Variants in PEBP1 observed in about 807,000 individuals in gnomAD.
The protein encoded by PEBP1 is phosphatidylethanolamine binding protein 1.
PEBP1 carries 17 observed loss-of-function variants against 22.7 expected under a neutral mutation model. The observed-to-expected ratio is 0.75, with a 90% CI of 0.51 to 1.12. PEBP1 has a LOEUF of 1.12. Ranked by LOEUF, PEBP1 falls within the 50% of genes most tolerant of loss-of-function variation. The pLI is 0.00. For synonymous variants in PEBP1, 106 were observed against 104.3 expected (o/e 1.02, Z -0.10); for missense variants, 205 against 243.5 (o/e 0.84, Z 1.05).
intron 3 of PEBP1, among the ~76,000 whole-genome samples, chr12:118,143,621 C>T (rs910605787): frequency 4.6e-5 from 7 of 151,948 alleles, no homozygotes; most frequent in South Asian, 2.1e-4. Flanking sequence ...TGTTTCTGGC[C>T]GGGTGCAGTG....
intron 1 of PEBP1, among the ~76,000 whole-genome samples, chr12:118,137,765 G>T (rs993187394): frequency 3.9e-5 from 6 of 152,052 alleles, no homozygotes; most frequent in African/African-American, 1.4e-4. Context: ...TTGGCCGCCT[G>T]CAGCCTCTGC....
intron 2 of PEBP1, among the ~76,000 whole-genome samples, 183 bp downstream of exon 2, chr12:118,138,331 C>T (rs1479981691): frequency 1.3e-5 from 2 of 152,136 alleles, no homozygotes; most frequent in Non-Finnish European, 2.9e-5. Flanking sequence ...CAGCCGAGAG[C>T]CATATCCACC....
chr12:118,139,246 A>G, intron 2 of PEBP1: 1 of 423,252 alleles, frequency 2.4e-6, no homozygotes, highest in Non-Finnish European at 4.4e-6. Flanking sequence ...CAGGAGGAGG[A>G]GCTTGCAGTG....
rs2034053548 is a variant in PEBP1 at position 118,136,132 on chromosome 12, G to T, written c.-78G>T. ...CTGCGTCTTCCCGAGCCAGTGTGCT[G>T]AGCTCTCCGCGTCGCCTCTGTCGCC... is the stretch of plus-strand genomic sequence containing the variant. On this transcript the variant is annotated 5_prime_UTR_variant, in exon 1 of 4. Coordinates refer to ENST00000261313, the MANE Select transcript of PEBP1 (RefSeq NM_002567.4). The surrounding 1 kb of genome is among the most constrained non-coding windows in gnomAD (Gnocchi z 5.6). The T allele has an allele frequency of 2.6e-6, 4 of 1,510,398 alleles. No individual in the cohort carries two copies. Among genetic ancestry groups the T allele is most frequent in the Non-Finnish European group, 2.7e-6 (3 of 1,127,268 alleles). The allele number at this position is 1,510,398 out of a possible 1,614,324, so 93.6% of individuals were successfully genotyped here.
At chr12:118,141,034 C>T (rs776412756) in intron 3 of PEBP1, among the ~76,000 whole-genome samples, 10 of 152,084 alleles carry the variant, frequency 6.6e-5, no homozygotes, top group Non-Finnish European at 1.0e-4. Context: ...CATCGCCCAA[C>T]GACATTCTCA....
chr12:118,136,762 G>A lies in PEBP1; in HGVS notation c.135+418G>A, dbSNP rs1158809103. On this transcript the variant is annotated intron_variant, in intron 1 of 3. Transcript: ENST00000261313. This position sits in a 1 kb window ranked among gnomAD's most constrained non-coding sequence, Gnocchi z 5.6. ...CAGCATTTTAGGCCTGGTTTTGGAGGGCTGAAGCCTCACCCGAGAGCCTGT... is the reference window on the plus strand; with the variant it reads ...CAGCATTTTAGGCCTGGTTTTGGAGAGCTGAAGCCTCACCCGAGAGCCTGT... Among the ~76,000 whole-genome samples, 2 of 152,308 alleles carry A rather than the reference G, an allele frequency of 1.3e-5. No homozygotes were observed. Among genetic ancestry groups the A allele is most frequent in the Non-Finnish European group, 1.5e-5 (1 of 68,030 alleles).
chr12:118,137,412 T>C (rs2034074084), intron 1 of PEBP1, among the ~76,000 whole-genome samples: 1 of 151,782 alleles, frequency 6.6e-6, no homozygotes, highest in African/African-American at 2.4e-5. Flanking sequence ...TGGCCAGGTG[T>C]GATGGTGTGA....
intron 2 of PEBP1, among the ~76,000 whole-genome samples, chr12:118,138,349 T>C (rs2034085293): frequency 6.6e-6 from 1 of 152,170 alleles, no homozygotes; most frequent in African/African-American, 2.4e-5. Flanking sequence ...ACCTGTGGCC[T>C]GTTTTTATAC....
chr12:118,144,748 A>C lies in PEBP1; in HGVS notation c.509A>C (p.Gln170Pro). Residue 170 changes from glutamine to proline, a missense_variant, in exon 4 of 4, where the codon CAG (glutamine) becomes CCG (proline). Physicochemically the swap from Gln to Pro is moderately conservative, Grantham distance 76. Coordinates refer to ENST00000261313, the MANE Select transcript of PEBP1 (RefSeq NM_002567.4). ...LRAPVAGTCY[Q>P]AEWDDYVPKL... ...GCCCCGGTGGCTGGCACGTGTTACC[A>C]GGCCGAGTGGGATGACTATGTGCCC... The C allele has an allele frequency of 6.2e-7, 1 of 1,614,122 alleles. No homozygotes were observed. Among genetic ancestry groups the C allele is most frequent in the Non-Finnish European group, 8.5e-7 (1 of 1,180,018 alleles).
chr12:118,139,674 T>G, intron 3 of PEBP1, 123 bp downstream of exon 3: 1 of 593,114 alleles, frequency 1.7e-6, no homozygotes. Flanking sequence ...AGCTTACCTC[T>G]AGGGCAGCTG....
intron 1 of PEBP1, among the ~76,000 whole-genome samples, chr12:118,137,062 T>C (rs970894031): frequency 6.6e-6 from 1 of 152,210 alleles, no homozygotes; most frequent in Non-Finnish European, 1.5e-5. Context: ...TGTTTAAATA[T>C]GTAGTGCCCA....
chr12:118,142,167 A>G (rs1029491590), intron 3 of PEBP1, among the ~76,000 whole-genome samples: 20 of 149,882 alleles, frequency 1.3e-4, no homozygotes, highest in African/African-American at 4.9e-4. Context: ...AGTGGCTGCC[A>G]TGCATTCTTT....
chr12:118,138,405 T>C (rs1362393065), intron 2 of PEBP1, among the ~76,000 whole-genome samples: 2 of 152,148 alleles, frequency 1.3e-5, no homozygotes, highest in Non-Finnish European at 2.9e-5. Context: ...TTTAGTTATT[T>C]ATTTTTTATT....
At chr12:118,142,930 C>G (rs933439744) in intron 3 of PEBP1, among the ~76,000 whole-genome samples, 4 of 147,882 alleles carry the variant, frequency 2.7e-5, no homozygotes, top group South Asian at 2.2e-4. Flanking sequence ...GGGCTCAGCT[C>G]ACCTCCTGGG....
At chr12:118,144,449 T>A (rs2034138729) in intron 3 of PEBP1, 137 bp from the exon 4 acceptor site, 1 of 782,066 alleles carries the variant, frequency 1.3e-6, no homozygotes, top group Non-Finnish European at 2.1e-6. Context: ...ACCAAATACC[T>A]GTCTGGACCC....
chr12:118,142,394 T>C (rs1265961198), intron 3 of PEBP1, among the ~76,000 whole-genome samples: 5 of 151,964 alleles, frequency 3.3e-5, no homozygotes, highest in Non-Finnish European at 7.4e-5. Context: ...GGTTTCTCCA[T>C]GTTGGGCAGG....
chr12:118,144,436 T>TAACCAAACAG, intron 3 of PEBP1, 150 bp from the exon 4 acceptor site: 1 of 708,888 alleles, frequency 1.4e-6, no homozygotes, highest in Non-Finnish European at 2.4e-6. Flanking sequence ...AATGTTAATT[T>TAACCAAACAG]GCACCAAATA....
intron 1 of PEBP1, among the ~76,000 whole-genome samples, chr12:118,137,006 C>T (rs2034068406): frequency 6.6e-6 from 1 of 152,270 alleles, no homozygotes; most frequent in South Asian, 2.1e-4. Context: ...TAAACTGCCC[C>T]GACCTTACAT....
At position 118,144,892 on chromosome 12, in the gene PEBP1, C is replaced by T; in HGVS notation, c.*89C>T. 2.5e-6 allele frequency: 4 copies of T among 1,593,226 alleles called. No individual in the cohort carries two copies. Among genetic ancestry groups the T allele is most frequent in the South Asian group, 1.1e-5 (1 of 89,184 alleles). ...GCATGTATAATAGATTTCTCCTCTT[C>T]CTGCCCCCCTTGGCATGGGTGAGAC... On this transcript the variant is annotated 3_prime_UTR_variant, in exon 4 of 4. Coordinates refer to ENST00000261313, the MANE Select transcript of PEBP1 (RefSeq NM_002567.4).
Sources: allele counts gnomAD v4.1 joint callset (sites outside exome capture counted in the v4.1 genomes callset), GRCh38; gene constraint gnomAD v4.1.1; non-coding constraint Gnocchi (gnomAD v3.1); transcripts MANE v1.5; gene names NCBI Gene and HGNC (gene_info 2026-07-23, HGNC 2026-07-21).